INTS6L: variants seen among roughly 807,000 people sequenced by gnomAD.
The protein encoded by INTS6L is integrator complex subunit 6 like, also known as integrator complex subunit 6-like.
Under a neutral mutation model 64.7 loss-of-function variants are expected in INTS6L, and 18 were observed. The ratio of observed to expected loss-of-function variants is 0.28; its 90% CI spans 0.19 to 0.41. The LOEUF (loss-of-function observed/expected upper bound fraction) is 0.41, where lower values mean the gene tolerates loss of function less well. Ranked by LOEUF, INTS6L falls within the 10% of genes least tolerant of loss-of-function variation. The probability of loss-of-function intolerance (pLI) is 1.00; values close to 1 mark genes in which losing one functional copy is unlikely to be tolerated. For synonymous variants in INTS6L, 227 were observed against 235.9 expected, an observed-to-expected ratio of 0.96 and a Z score of 0.34; for missense variants, 533 against 661.0, an observed-to-expected ratio of 0.81 and a Z score of 2.12.
chrX:135,540,777 G>A (rs1330532931), intron 2 of INTS6L, among the ~76,000 whole-genome samples: 1 of 98,803 alleles, frequency 1.0e-5, no homozygotes, highest in African/African-American at 3.8e-5. Flanking sequence ...TTTTTTTTGA[G>A]ACAGGGCCTG....
At chrX:135,541,414 A>G (rs2086214766) in intron 2 of INTS6L, among the ~76,000 whole-genome samples, 1 of 112,665 alleles carries the variant, frequency 8.9e-6, no homozygotes. Context: ...CAATACAAAA[A>G]TAATGAGATT....
At chrX:135,559,855 T>C (rs949444375) in intron 9 of INTS6L, among the ~76,000 whole-genome samples, 12 of 112,485 alleles carry the variant, frequency 1.1e-4, no homozygotes, top group Non-Finnish European at 2.3e-4. Flanking sequence ...TATGGTGATA[T>C]AGCACTGTGG....
chrX:135,522,408 TTA>T (rs1238293506), intron 2 of INTS6L, among the ~76,000 whole-genome samples: 2 of 111,964 alleles, frequency 1.8e-5, no homozygotes, highest in African/African-American at 6.5e-5. Context: ...GTGGGGTAAT[TTA>T]TGTTCCTATG....
chrX:135,525,054 G>C (rs1223311962), intron 2 of INTS6L, among the ~76,000 whole-genome samples: 2 of 112,257 alleles, frequency 1.8e-5, no homozygotes, highest in African/African-American at 3.2e-5. Context: ...ATTTAAAAAC[G>C]TCTAATGTAT....
chrX:135,577,708 A>G (rs2087268047), intron 15 of INTS6L, among the ~76,000 whole-genome samples: 1 of 112,361 alleles, frequency 8.9e-6, no homozygotes, highest in African/African-American at 3.2e-5. Context: ...TAAATGCCAC[A>G]GTAATTAATG....
rs1569510292 is a variant in INTS6L, at chrX:135,546,845, T to C, written c.573T>C (p.Thr191=). The C allele has an allele frequency of 8.3e-7, 1 of 1,210,346 alleles. No individual in the cohort carries two copies. Among genetic ancestry groups the C allele is most frequent in the Admixed American group, 2.2e-5 (1 of 45,872 alleles). Residue 191 remains threonine (T), a synonymous_variant, in exon 5 of 18, where the codon ACT becomes ACC. Coordinates refer to ENST00000639893, the MANE Select transcript of INTS6L (RefSeq NM_001351601.3). ...TEPEQLGSVP[T]DESAITQMCE... is the part of the protein sequence containing the mutation. The stretch of plus-strand genomic sequence containing the variant: ...CAGAGCAACTAGGGAGCGTACCAAC[T>C]GATGAATCTGCCATCACACAGATGT...
intron 8 of INTS6L, among the ~76,000 whole-genome samples, chrX:135,554,883 C>CTTTT (rs35845600): frequency 0.051 from 2,550 of 50,394 alleles, 456 homozygotes; most frequent in Middle Eastern, 0.33. Flanking sequence ...ACCAGCATAA[C>CTTTT]TTTTTTTTTT....
At position 135,547,204 on chromosome X, in the gene INTS6L, T is replaced by G; in HGVS notation, c.681T>G (p.Val227=). 8.3e-7 allele frequency: 1 copy of G among 1,210,935 alleles called. No individual in the cohort carries two copies. Among genetic ancestry groups the G allele is most frequent in the East Asian group, 3.0e-5 (1 of 33,809 alleles). The change falls in exon 6 of 18, where the codon GTT becomes GTG. Residue 227 remains valine, a synonymous_variant. Coordinates refer to ENST00000639893, the MANE Select transcript of INTS6L (RefSeq NM_001351601.3). ...NQCLESLVQK[V]QSGVVINFEK... is the part of the protein sequence containing the mutation. Reference sequence around the variant, plus strand: ...GTTTAGAATCTCTAGTTCAAAAAGTTCAGAGTGGTGTAGTTATTAATTTTG... The same window carrying G: ...GTTTAGAATCTCTAGTTCAAAAAGTGCAGAGTGGTGTAGTTATTAATTTTG...
At chrX:135,556,082 G>C in intron 8 of INTS6L, 86 bp from the exon 9 acceptor site, 1 of 949,382 alleles carries the variant, frequency 1.1e-6, no homozygotes, top group Non-Finnish European at 1.4e-6. Flanking sequence ...TTGCGCCATA[G>C]ATGCTGCTAT....
At chrX:135,538,077 C>G (rs1206645379) in intron 2 of INTS6L, among the ~76,000 whole-genome samples, 1 of 112,242 alleles carries the variant, frequency 8.9e-6, no homozygotes, top group Non-Finnish European at 1.9e-5. Flanking sequence ...GTGGCAATTT[C>G]TTAAAATAAG....
At chrX:135,525,193 C>T (rs1556500521) in intron 2 of INTS6L, among the ~76,000 whole-genome samples, 1 of 111,933 alleles carries the variant, frequency 8.9e-6, no homozygotes, top group Non-Finnish European at 1.9e-5. Flanking sequence ...ATCATAATTT[C>T]CTTTTATTTA....
At chrX:135,568,797 G>A (rs1002290667) in intron 9 of INTS6L, among the ~76,000 whole-genome samples, 20 of 111,485 alleles carry the variant, frequency 1.8e-4, no homozygotes, top group African/African-American at 6.5e-4. Context: ...TCATCCATCT[G>A]AGCCTCCCAA....
At position 135,575,195 on chromosome X, in the gene INTS6L, CT is replaced by C; in HGVS notation, c.1857del (p.Phe619LeufsTer12). ...IDPDQPKRLHTFGNPFKQDKK... is the reference protein window; with the variant it reads ...IDPDQPKRLHXFGNPFKQDKK... ...CCAGACCAACCCAAAAGACTGCATA[CT>C]TTTGGCAATCCGTTTAAACAAGATA... On this transcript the variant is annotated frameshift_variant, in exon 14 of 18. Transcript: ENST00000639893. LOFTEE classifies it high-confidence loss of function. 1 of 1,210,944 alleles carries C rather than the reference CT, an allele frequency of 8.3e-7. No homozygotes were observed. The highest frequency in any genetic ancestry group is 1.1e-6 in the Non-Finnish European group (1 of 895,204).
intron 2 of INTS6L, among the ~76,000 whole-genome samples, chrX:135,533,575 C>A (rs1180725609): frequency 2.7e-5 from 3 of 109,791 alleles, no homozygotes; most frequent in African/African-American, 1.0e-4. Flanking sequence ...AGGCCCCACC[C>A]AGTGTGTGTG....
At chrX:135,533,402 A>T (rs782215175) in intron 2 of INTS6L, among the ~76,000 whole-genome samples, 4 of 112,290 alleles carry the variant, frequency 3.6e-5, no homozygotes, top group African/African-American at 1.3e-4. Flanking sequence ...ATTTATTTTC[A>T]TTAACTTTTA....
At chrX:135,540,887 G>A (rs999007999) in intron 2 of INTS6L, among the ~76,000 whole-genome samples, 1 of 110,735 alleles carries the variant, frequency 9.0e-6, no homozygotes, top group East Asian at 2.8e-4. Flanking sequence ...TGATCTTCCC[G>A]CCTCAGCCTT....
At chrX:135,522,292 G>A (rs1288308986) in intron 2 of INTS6L, among the ~76,000 whole-genome samples, 1 of 111,509 alleles carries the variant, frequency 9.0e-6, no homozygotes, top group African/African-American at 3.3e-5. Context: ...ATTAATCCAG[G>A]GACAAGAAAG....
chrX:135,536,023 A>G (rs892439413), intron 2 of INTS6L, among the ~76,000 whole-genome samples: 1 of 112,467 alleles, frequency 8.9e-6, no homozygotes, highest in African/African-American at 3.2e-5. Context: ...CTAACAAGCT[A>G]GGAAGATTTG....
At chrX:135,563,619 A>ATGTG (rs1186644920) in intron 9 of INTS6L, among the ~76,000 whole-genome samples, 16 of 12,269 alleles carry the variant, frequency 1.3e-3, no homozygotes, top group African/African-American at 2.4e-3. Flanking sequence ...ATATATCCAT[A>ATGTG]TGTGTGTGTG....
Sources: allele counts gnomAD v4.1 joint callset (sites outside exome capture counted in the v4.1 genomes callset), GRCh38; gene constraint gnomAD v4.1.1; transcripts MANE v1.5; gene names NCBI Gene and HGNC (gene_info 2026-07-23, HGNC 2026-07-21).